The following LRRTM4 variants were observed in gnomAD, a reference collection of about 807,000 sequenced individuals.
The protein encoded by LRRTM4 is leucine rich repeat transmembrane neuronal 4, also known as leucine-rich repeat transmembrane neuronal protein 4.
In LRRTM4, 25 loss-of-function variants were observed where a neutral mutation model predicts 47.6. The ratio of observed to expected loss-of-function variants is 0.53; its 90% CI spans 0.38 to 0.73. The LOEUF (loss-of-function observed/expected upper bound fraction) is 0.73, where lower values mean the gene tolerates loss of function less well. Ranked by LOEUF, LRRTM4 falls within the 30% of genes least tolerant of loss-of-function variation. LRRTM4 has a pLI of 0.00. For missense variants in LRRTM4, 638 were observed against 713.4 expected (o/e 0.89, Z 1.20); for synonymous variants, 311 against 269.5 (o/e 1.15, Z -1.51).
chr2:77,211,456 C>CTGAGAGCAAATGGGCAAGTGA (rs1347765906), intron 3 of LRRTM4, among the ~76,000 whole-genome samples: 1 of 152,144 alleles, frequency 6.6e-6, no homozygotes, highest in Non-Finnish European at 1.5e-5. Flanking sequence ...GGAAACAAAT[C>CTGAGAGCAAATGGGCAAGTGA]TGAGAGCAAA....
chr2:77,363,974 C>G (rs1427364992), intron 3 of LRRTM4, among the ~76,000 whole-genome samples: 4 of 152,068 alleles, frequency 2.6e-5, no homozygotes, highest in Non-Finnish European at 4.4e-5. Context: ...ATATGATTGA[C>G]ACATTTACCA....
At chr2:76,885,597 G>C (rs1406342442) in intron 3 of LRRTM4, among the ~76,000 whole-genome samples, 1 of 151,526 alleles carries the variant, frequency 6.6e-6, no homozygotes, top group Non-Finnish European at 1.5e-5. Flanking sequence ...TGAGTAGCTG[G>C]GACCGCAAGC....
chr2:77,125,764 T>C (rs540000276), intron 3 of LRRTM4, among the ~76,000 whole-genome samples: 4 of 152,184 alleles, frequency 2.6e-5, no homozygotes, highest in South Asian at 4.1e-4. Flanking sequence ...TCCTAATTTA[T>C]TGAATTTGAA....
chr2:77,256,116 C>G (rs1046320167), intron 3 of LRRTM4, among the ~76,000 whole-genome samples: 5 of 151,856 alleles, frequency 3.3e-5, no homozygotes, highest in Non-Finnish European at 7.4e-5. Context: ...CTGTAAATAT[C>G]AGAAGGTTAA....
chr2:76,816,819 G>GTTTTTTTTTTTTTTTTTT lies in LRRTM4; in HGVS notation c.1552-67921_1552-67904dup, dbSNP rs201525166. ...CACTGCTTTTACTTAGAGGTAAAGA[G>GTTTTTTTTTTTTTTTTTT]TTTTTTTTTTTTTTTTTTTTTTTTT... On this transcript the variant is annotated intron_variant, in intron 3 of 3. Coordinates refer to ENST00000409884, the MANE Select transcript of LRRTM4 (RefSeq NM_001134745.3). 1.2e-4 allele frequency among the ~76,000 whole-genome samples: 12 copies of GTTTTTTTTTTTTTTTTTT among 96,566 alleles called. 1 individual carries two copies. The highest frequency in any genetic ancestry group is 1.8e-4 in the Non-Finnish European group (7 of 39,906). The allele number at this position is 96,566 out of a possible 152,430, so 63.4% of individuals were successfully genotyped here. A position where few individuals can be genotyped will look rare whatever the true frequency, so the allele number is the denominator to read the frequency against.
At chr2:77,348,026 C>T (rs1573291380) in intron 3 of LRRTM4, among the ~76,000 whole-genome samples, 1 of 46,428 alleles carries the variant, frequency 2.2e-5, no homozygotes. Context: ...AACACAAGTA[C>T]ACACACACAC....
intron 3 of LRRTM4, among the ~76,000 whole-genome samples, chr2:76,873,541 A>ATAT: frequency 1.0e-5 from 1 of 100,316 alleles, no homozygotes; most frequent in African/African-American, 3.3e-5. Context: ...TATACAACAT[A>ATAT]GTTGTAAAAT....
chr2:76,933,113 C>T (rs1197251760), intron 3 of LRRTM4, among the ~76,000 whole-genome samples: 1 of 151,970 alleles, frequency 6.6e-6, no homozygotes, highest in African/African-American at 2.4e-5. Flanking sequence ...AACAGCAAGT[C>T]AAGTTAGGAT....
At chr2:77,163,411 T>C (rs1016407323) in intron 3 of LRRTM4, among the ~76,000 whole-genome samples, 6 of 152,192 alleles carry the variant, frequency 3.9e-5, no homozygotes, top group Non-Finnish European at 1.5e-5. Context: ...CTGCAGGATA[T>C]TATCCAGGAT....
Position 76,897,892 on chromosome 2 carries a change from G to A in LRRTM4, c.1552-148976C>T, listed in dbSNP as rs1489800100. ...CATTCCATAGAGGGCAGAAGCATAA[G>A]ACGTTTTCCATACTGGTAGAATTAA... is the stretch of plus-strand genomic sequence containing the variant. On this transcript the variant is annotated intron_variant, in intron 3 of 3. Coordinates refer to ENST00000409884, the MANE Select transcript of LRRTM4 (RefSeq NM_001134745.3). Among the ~76,000 whole-genome samples, 4 of 152,212 alleles carry A rather than the reference G, an allele frequency of 2.6e-5. No homozygotes were observed. The East Asian group carries it at 5.8e-4, about 22-fold the overall frequency.
chr2:76,759,225 C>T (rs980930995), intron 3 of LRRTM4, among the ~76,000 whole-genome samples: 1 of 152,068 alleles, frequency 6.6e-6, no homozygotes, highest in Non-Finnish European at 1.5e-5. Context: ...GTTTAGACTG[C>T]ATAATACAAA....
intron 3 of LRRTM4, among the ~76,000 whole-genome samples, chr2:77,145,807 A>C (rs1672244732): frequency 6.7e-6 from 1 of 149,798 alleles, no homozygotes; most frequent in Admixed American, 6.7e-5. Flanking sequence ...AAATAAATAA[A>C]ATAAAAATAA....
At chr2:77,207,624 C>T (rs866931894) in intron 3 of LRRTM4, among the ~76,000 whole-genome samples, 97 of 151,472 alleles carry the variant, frequency 6.4e-4, no homozygotes, top group African/African-American at 2.2e-3. Context: ...CTTGATGTCT[C>T]GTTATGCTAC....
chr2:77,119,685 A>G (rs1254655482), intron 3 of LRRTM4, among the ~76,000 whole-genome samples: 1 of 151,848 alleles, frequency 6.6e-6, no homozygotes, highest in Non-Finnish European at 1.5e-5. Context: ...CGTAAAAAAG[A>G]GCTAGCCAAT....
intron 3 of LRRTM4, among the ~76,000 whole-genome samples, chr2:77,319,681 TAGG>T (rs764302778): frequency 6.6e-6 from 1 of 152,192 alleles, no homozygotes; most frequent in Non-Finnish European, 1.5e-5. Context: ...ATTTCTCAAA[TAGG>T]AGTGTATGTC....
chr2:77,148,070 G>T (rs1300793577), intron 3 of LRRTM4, among the ~76,000 whole-genome samples: 1 of 152,154 alleles, frequency 6.6e-6, no homozygotes, highest in Non-Finnish European at 1.5e-5. Context: ...TAACAGTGAT[G>T]TTTTTTGGGC....
chr2:77,470,910 G>T (rs1401287194), intron 3 of LRRTM4, among the ~76,000 whole-genome samples: 1 of 152,044 alleles, frequency 6.6e-6, no homozygotes, highest in Non-Finnish European at 1.5e-5. Context: ...AAGACCACAA[G>T]TCATCTAGTA....
At chr2:76,962,506 A>G (rs1483604392) in intron 3 of LRRTM4, among the ~76,000 whole-genome samples, 2 of 151,000 alleles carry the variant, frequency 1.3e-5, no homozygotes, top group Non-Finnish European at 3.0e-5. Context: ...AAATAATGAA[A>G]GTGTATTTTT....
intron 3 of LRRTM4, among the ~76,000 whole-genome samples, chr2:77,051,541 C>G (rs1679431730): frequency 6.6e-6 from 1 of 152,088 alleles, no homozygotes; most frequent in Admixed American, 6.6e-5. Flanking sequence ...GTGACTGAAG[C>G]CAAAATACAT....
Sources: allele counts gnomAD v4.1 joint callset (sites outside exome capture counted in the v4.1 genomes callset), GRCh38; gene constraint gnomAD v4.1.1; transcripts MANE v1.5; gene names NCBI Gene and HGNC (gene_info 2026-07-23, HGNC 2026-07-21).